CA12: variants seen among roughly 807,000 people sequenced by gnomAD.
The protein encoded by CA12 is carbonate dehydratase XII.
CA12 carries 36 observed loss-of-function variants against 46.8 expected under a neutral mutation model. That is an observed-to-expected ratio of 0.77 (90% CI 0.59 to 1.02). The LOEUF (loss-of-function observed/expected upper bound fraction) is 1.02. Among genes scored for constraint, CA12 ranks in the 50% least tolerant of loss-of-function variants. CA12 has a pLI of 0.00. For missense variants in CA12, 436 were observed against 451.4 expected (o/e 0.97, Z 0.31); for synonymous variants, 202 against 187.0 (o/e 1.08, Z -0.65).
intron 2 of CA12, among the ~76,000 whole-genome samples, chr15:63,358,566 G>A (rs765602297): frequency 7.9e-5 from 12 of 152,092 alleles, no homozygotes; most frequent in African/African-American, 1.9e-4. Flanking sequence ...CTCCCCATCC[G>A]CCTTCCCAGC....
intron 2 of CA12, among the ~76,000 whole-genome samples, chr15:63,363,816 C>G (rs1348327806): frequency 6.6e-6 from 1 of 152,218 alleles, no homozygotes; most frequent in Non-Finnish European, 1.5e-5. Context: ...CAGATGCAGT[C>G]TGACCAAGGG....
rs867862122 is a variant in CA12, at chr15:63,355,931, G to A, written c.107-9222C>T. On this transcript the variant is annotated intron_variant, in intron 2 of 10. Coordinates refer to ENST00000178638, the MANE Select transcript of CA12 (RefSeq NM_001218.5). The surrounding 1 kb of genome is among the most constrained non-coding windows in gnomAD (Gnocchi z 4.1). ...GGGGCTCCAGGCTCAGGCAACGACT[G>A]GTAACCATCTCTGAACAGAAAGGAC... Among the ~76,000 whole-genome samples, 1 of 152,054 alleles carries A rather than the reference G, an allele frequency of 6.6e-6. No individual in the cohort carries two copies. The highest frequency in any genetic ancestry group is 2.4e-5 in the African/African-American group (1 of 41,396).
chr15:63,369,857 C>T (rs557255390), intron 2 of CA12, among the ~76,000 whole-genome samples: 2 of 152,294 alleles, frequency 1.3e-5, no homozygotes, highest in Admixed American at 6.5e-5. Flanking sequence ...TCTTTAGGAA[C>T]TAATGCTAGC....
chr15:63,376,038 A>G (rs1211025707), intron 1 of CA12, among the ~76,000 whole-genome samples: 1 of 152,024 alleles, frequency 6.6e-6, no homozygotes. Context: ...CAAACTCCCG[A>G]CCTCAGGTGA....
At position 63,324,362 on chromosome 15, in the gene CA12, A is replaced by T. The variant is rs61732378; in HGVS notation, c.*1923T>A. ...AGATATACAGAGTCTTTTGACAGAC[A>T]GTCCCACTGCTCTGGAGTCCTTTAT... On this transcript the variant is annotated 3_prime_UTR_variant, in exon 11 of 11. Coordinates refer to ENST00000178638, the MANE Select transcript of CA12 (RefSeq NM_001218.5). 6,643 of 152,350 alleles carry T rather than the reference A, an allele frequency of 0.044. 190 individuals are homozygous for T. The highest frequency in any genetic ancestry group is 0.065 in the Middle Eastern group (19 of 294). 9.4% of individuals were successfully genotyped at this position (152,350 alleles called of 1,614,324 possible). A position where few individuals can be genotyped will look rare whatever the true frequency, so the allele number is the denominator to read the frequency against.
rs146065141 is a variant in CA12 at position 63,369,368 on chromosome 15, A to G, written c.106+6290T>C. Among the ~76,000 whole-genome samples the G allele has an allele frequency of 4.5e-3, 682 of 152,312 alleles. 5 individuals carry two copies. The highest frequency in any genetic ancestry group is 0.016 in the African/African-American group (658 of 41,552). On this transcript the variant is annotated intron_variant, in intron 2 of 10. Coordinates refer to ENST00000178638, the MANE Select transcript of CA12 (RefSeq NM_001218.5). ...ATTTAATCTGCACCATAGCTCTGCGAGGCAAAGAGAAAGAAACTACAGTTA... is the reference window on the plus strand; with the variant it reads ...ATTTAATCTGCACCATAGCTCTGCGGGGCAAAGAGAAAGAAACTACAGTTA...
At position 63,352,404 on chromosome 15, in the gene CA12, C is replaced by T. The variant is rs1029977393; in HGVS notation, c.107-5695G>A. On this transcript the variant is annotated intron_variant, in intron 2 of 10. Transcript: ENST00000178638. ...AGGCTTGAGCAAACTGCTATGCAGA[C>T]GGCAAAAGAGACCAGAGAAGGAAGG... is the stretch of plus-strand genomic sequence containing the variant. Among the ~76,000 whole-genome samples the T allele has an allele frequency of 1.1e-4, 16 of 152,252 alleles. No homozygotes were observed. In the East Asian group the frequency reaches 1.2e-3, roughly 11 times the overall value.
intron 2 of CA12, among the ~76,000 whole-genome samples, chr15:63,370,874 G>A (rs1405238847): frequency 6.6e-6 from 1 of 152,212 alleles, no homozygotes; most frequent in African/African-American, 2.4e-5. Context: ...GATGGCAGCT[G>A]GGAGTCGCGA....
chr15:63,356,892 T>C (rs539054949), intron 2 of CA12, among the ~76,000 whole-genome samples: 12 of 152,310 alleles, frequency 7.9e-5, no homozygotes, highest in African/African-American at 2.6e-4. Flanking sequence ...CCTGTGTTCA[T>C]AGCAGCATTA....
chr15:63,381,532 C>G, intron 1 of CA12, 104 bp downstream of exon 1: 2 of 962,482 alleles, frequency 2.1e-6, no homozygotes, highest in Non-Finnish European at 3.3e-6. Context: ...CTACACCTTC[C>G]CTGCTCCCCG....
chr15:63,346,567 G>A lies in CA12; in HGVS notation c.249C>T (p.Ala83=), dbSNP rs115949378. The A allele has an allele frequency of 5.6e-6, 9 of 1,614,096 alleles. No homozygotes were observed. Among genetic ancestry groups the A allele is most frequent in the Non-Finnish European group, 7.6e-6 (9 of 1,180,018 alleles). Residue 83 remains alanine (A), a synonymous_variant, in exon 3 of 11, where the codon GCC becomes GCT. Transcript: ENST00000178638. ...PLEFQGYNLS[A]NKQFLLTNNG... ...TGTTGGTCAGGAGAAACTGCTTGTTGGCAGACAGATTGTAGCCTTGGAACT... is the reference window on the plus strand; with the variant it reads ...TGTTGGTCAGGAGAAACTGCTTGTTAGCAGACAGATTGTAGCCTTGGAACT...
intron 1 of CA12, among the ~76,000 whole-genome samples, chr15:63,377,105 A>G (rs747997337): frequency 6.6e-6 from 1 of 152,186 alleles, no homozygotes; most frequent in African/African-American, 2.4e-5. Context: ...TCCTATGTCA[A>G]AAAAGGTCTT....
chr15:63,342,124 A>C, intron 4 of CA12, 27 bp from the exon 5 acceptor site: 1 of 1,444,830 alleles, frequency 6.9e-7, no homozygotes, highest in Non-Finnish European at 9.7e-7. Context: ...GCCACCCATT[A>C]GGAGATAAGC....
chr15:63,360,580 C>T (rs186486708), intron 2 of CA12, among the ~76,000 whole-genome samples: 24 of 152,346 alleles, frequency 1.6e-4, no homozygotes, highest in African/African-American at 5.3e-4. Flanking sequence ...AATTGTGCCA[C>T]GTGCTCTCGC....
chr15:63,321,569 G>A lies in CA12; in HGVS notation c.*4716C>T, dbSNP rs2038790976. ...AATCCGAGCCCGAGGACCACGTGCG[G>A]GGCGGTCTCCAGTGTGGATGGCAGC... On this transcript the variant is annotated 3_prime_UTR_variant, in exon 11 of 11. Coordinates refer to ENST00000178638, the MANE Select transcript of CA12 (RefSeq NM_001218.5). The surrounding 1 kb of genome is among the most constrained non-coding windows in gnomAD (Gnocchi z 4.5). The A allele has an allele frequency of 6.6e-6, 1 of 152,254 alleles. No individual in the cohort carries two copies. Among genetic ancestry groups the A allele is most frequent in the Non-Finnish European group, 1.5e-5 (1 of 68,050 alleles). 9.4% of individuals were successfully genotyped at this position (152,254 alleles called of 1,614,324 possible). A position where few individuals can be genotyped will look rare whatever the true frequency, so the allele number is the denominator to read the frequency against.
rs1413763191 is a variant in CA12, at chr15:63,340,756, T to C, written c.553A>G (p.Lys185Glu). 1 of 1,614,196 alleles carries C rather than the reference T, an allele frequency of 6.2e-7. No individual in the cohort carries two copies. Among genetic ancestry groups the C allele is most frequent in the Non-Finnish European group, 8.5e-7 (1 of 1,180,018 alleles). ...EMGSFNPSYD[K>E]IFSHLQHVKY... ...ACATGTTGAAGGTGACTGAAGATCT[T>C]GTCATAGGACGGATTGAAGGAGCCC... is the stretch of plus-strand genomic sequence containing the variant. Residue 185 changes from lysine (K) to glutamate (E), a missense_variant, in exon 6 of 11, where the codon AAG becomes GAG. Lys to Glu is a moderately conservative substitution (Grantham distance 56). Coordinates refer to ENST00000178638, the MANE Select transcript of CA12 (RefSeq NM_001218.5). This position sits in a 1 kb window ranked among gnomAD's most constrained non-coding sequence, Gnocchi z 4.4.
In CA12 at chr15:63,381,634, A is replaced by G. The variant is rs2039646894; in HGVS notation, c.85+2T>C. The stretch of plus-strand genomic sequence containing the variant: ...TAGGAAAGAAGCAGGCGGAAACTTT[A>G]CCGTTCACTGGGGCCGGGCTGGAAG... On this transcript the variant is annotated splice_donor_variant, in intron 1 of 10. Coordinates refer to ENST00000178638, the MANE Select transcript of CA12 (RefSeq NM_001218.5). LOFTEE classifies it high-confidence loss of function. 1.2e-6 allele frequency: 2 copies of G among 1,609,748 alleles called. No individual in the cohort carries two copies. Among genetic ancestry groups the G allele is most frequent in the African/African-American group, 1.3e-5 (1 of 74,824 alleles).
In CA12 at chr15:63,325,372, C is replaced by G. The variant is rs1056434735; in HGVS notation, c.*913G>C. ...TGTCTCCTCCAGGACACAGCAACAA[C>G]ACATTTTCAAGGAACAGCCTCATTA... On this transcript the variant is annotated 3_prime_UTR_variant, in exon 11 of 11. Transcript: ENST00000178638. This position sits in a 1 kb window ranked among gnomAD's most constrained non-coding sequence, Gnocchi z 4.9. The G allele has an allele frequency of 4.6e-5, 7 of 152,174 alleles. No individual in the cohort carries two copies. The highest frequency in any genetic ancestry group is 1.0e-4 in the Non-Finnish European group (7 of 68,052). The allele number at this position is 152,174 out of a possible 1,614,324, so 9.4% of individuals were successfully genotyped here.
rs1405059622 is a variant in CA12 at position 63,321,638 on chromosome 15, C to T, written c.*4647G>A. 2 of 152,236 alleles carry T rather than the reference C, an allele frequency of 1.3e-5. No individual in the cohort carries two copies. The highest frequency in any genetic ancestry group is 2.9e-5 in the Non-Finnish European group (2 of 68,078). 9.4% of individuals were successfully genotyped at this position (152,236 alleles called of 1,614,324 possible). On this transcript the variant is annotated 3_prime_UTR_variant, in exon 11 of 11. Coordinates refer to ENST00000178638, the MANE Select transcript of CA12 (RefSeq NM_001218.5). The surrounding 1 kb of genome is among the most constrained non-coding windows in gnomAD (Gnocchi z 4.5). ...CAGGTGGTCCCTGTGCCCCAGAGGC[C>T]CCGTTTCCTTCCGGAAGCGAGGCTG...
Sources: gnomAD v4.1 joint callset for allele counts (sites outside exome capture counted in the v4.1 genomes callset) on GRCh38, gnomAD v4.1.1 for gene constraint, Gnocchi (gnomAD v3.1) non-coding constraint, MANE v1.5 for transcripts, NCBI Gene and HGNC (gene_info 2026-07-23, HGNC 2026-07-21) for gene names.